The following MORC1 variants were observed in gnomAD, a reference collection of about 807,000 sequenced individuals.
MORC1 encodes MORC family CW-type zinc finger protein 1.
MORC1 carries 59 observed loss-of-function variants against 134.9 expected under a neutral mutation model. That is an observed-to-expected ratio of 0.44 (90% CI 0.35 to 0.54). The LOEUF (loss-of-function observed/expected upper bound fraction) is 0.54. MORC1 is among the 20% of genes least tolerant of loss of function. The pLI, the probability that MORC1 is intolerant of heterozygous loss-of-function variation, is 0.00. For missense variants in MORC1, 947 were observed against 1,134.5 expected, an observed-to-expected ratio of 0.83 and a Z score of 2.37; for synonymous variants, 395 against 391.7, an observed-to-expected ratio of 1.01 and a Z score of -0.10.
chr3:108,959,227 A>G, intron 27 of MORC1, 107 bp from the exon 28 acceptor site: 1 of 877,110 alleles, frequency 1.1e-6, no homozygotes, highest in Non-Finnish European at 1.7e-6. Flanking sequence ...GCTGCAACAA[A>G]AGCCACCTTA....
At chr3:109,102,958 T>C (rs1234266739) in intron 4 of MORC1, among the ~76,000 whole-genome samples, 1 of 152,180 alleles carries the variant, frequency 6.6e-6, no homozygotes, top group East Asian at 1.9e-4. Context: ...AAACAGTCTT[T>C]CTAAACTTGC....
chr3:109,070,225 C>G (rs1353380299), intron 8 of MORC1, among the ~76,000 whole-genome samples: 2 of 151,734 alleles, frequency 1.3e-5, no homozygotes, highest in Non-Finnish European at 2.9e-5. Flanking sequence ...AAATTATGAA[C>G]AAGAAACATA....
chr3:108,986,742 T>C, intron 22 of MORC1, 138 bp downstream of exon 22: 2 of 608,254 alleles, frequency 3.3e-6, no homozygotes, highest in Non-Finnish European at 5.6e-6. Context: ...CTCTCACTTC[T>C]AGAACAACAA....
chr3:109,002,397 A>T (rs549304603), intron 20 of MORC1, among the ~76,000 whole-genome samples: 1 of 152,328 alleles, frequency 6.6e-6, no homozygotes, highest in South Asian at 2.1e-4. Flanking sequence ...GCAATTGGCT[A>T]CATGCACCCT....
At chr3:109,087,598 A>T (rs1233778107) in intron 8 of MORC1, among the ~76,000 whole-genome samples, 1 of 152,150 alleles carries the variant, frequency 6.6e-6, no homozygotes, top group African/African-American at 2.4e-5. Context: ...ATGGAAAAAC[A>T]TCACATGCTC....
At chr3:109,038,418 C>T (rs1949431507) in intron 14 of MORC1, among the ~76,000 whole-genome samples, 1 of 152,010 alleles carries the variant, frequency 6.6e-6, no homozygotes, top group African/African-American at 2.4e-5. Flanking sequence ...GTTTCTTTTG[C>T]TGTGCTGAAG....
chr3:109,009,647 A>C (rs1357767180), intron 17 of MORC1, among the ~76,000 whole-genome samples: 1 of 152,122 alleles, frequency 6.6e-6, no homozygotes, highest in African/African-American at 2.4e-5. Context: ...TTTTTAGAGA[A>C]GTTTGAAGCC....
At chr3:108,980,227 C>T (rs1393684930) in intron 23 of MORC1, among the ~76,000 whole-genome samples, 1 of 152,144 alleles carries the variant, frequency 6.6e-6, no homozygotes, top group Non-Finnish European at 1.5e-5. Flanking sequence ...CCAGAAACTC[C>T]CTAGAGGGCA....
chr3:109,008,910 T>G (rs1398771899), intron 17 of MORC1, among the ~76,000 whole-genome samples: 1 of 152,206 alleles, frequency 6.6e-6, no homozygotes, highest in Non-Finnish European at 1.5e-5. Context: ...CTTGGTCTCC[T>G]ATTACAGTTG....
chr3:109,023,699 G>T (rs1253805866), intron 17 of MORC1, among the ~76,000 whole-genome samples: 3 of 152,130 alleles, frequency 2.0e-5, no homozygotes, highest in Non-Finnish European at 4.4e-5. Context: ...GCAAATTTGA[G>T]AACGGAGAGG....
intron 8 of MORC1, among the ~76,000 whole-genome samples, chr3:109,071,003 A>C (rs969631250): frequency 9.2e-5 from 14 of 152,220 alleles, no homozygotes; most frequent in Non-Finnish European, 1.9e-4. Flanking sequence ...TTTTTAATGT[A>C]ACAAGATAGG....
intron 14 of MORC1, 54 bp downstream of exon 14, chr3:109,054,674 C>A: frequency 7.3e-7 from 1 of 1,366,160 alleles, no homozygotes; most frequent in South Asian, 1.9e-5. Context: ...TTAAAGAAAT[C>A]ACAGAAAGTA....
chr3:109,082,452 T>A (rs1950541114), intron 8 of MORC1, among the ~76,000 whole-genome samples: 1 of 152,082 alleles, frequency 6.6e-6, no homozygotes, highest in South Asian at 2.1e-4. Context: ...AATCAGTGAC[T>A]GACCCTAGTG....
chr3:108,960,852 A>T (rs1361742035), intron 27 of MORC1, among the ~76,000 whole-genome samples: 3 of 152,202 alleles, frequency 2.0e-5, no homozygotes, highest in Non-Finnish European at 4.4e-5. Context: ...TTTTTCTTTA[A>T]TAATGTAAAA....
intron 26 of MORC1, among the ~76,000 whole-genome samples, chr3:108,964,063 C>A (rs781200768): frequency 3.9e-5 from 6 of 152,210 alleles, no homozygotes; most frequent in Non-Finnish European, 7.3e-5. Context: ...ACTTGTAAGG[C>A]AAGGCTGTAG....
chr3:109,024,923 T>C (rs933402636), intron 17 of MORC1, among the ~76,000 whole-genome samples: 3 of 152,124 alleles, frequency 2.0e-5, no homozygotes, highest in Non-Finnish European at 4.4e-5. Context: ...TTCTAAAGGG[T>C]TTTAGAATGA....
At chr3:109,054,975 A>G (rs1172635578) in intron 13 of MORC1, 93 bp from the exon 14 acceptor site, 2 of 1,176,890 alleles carry the variant, frequency 1.7e-6, no homozygotes, top group African/African-American at 1.6e-5. Context: ...TTTTTTTTCA[A>G]AAATAAATTC....
intron 27 of MORC1, among the ~76,000 whole-genome samples, chr3:108,961,927 A>G (rs1199249810): frequency 1.3e-5 from 2 of 152,236 alleles, no homozygotes; most frequent in East Asian, 1.9e-4. Flanking sequence ...TCTAGGATAC[A>G]TAATTTCTTT....
chr3:108,959,095 T>G lies in MORC1; in HGVS notation c.2825A>C (p.Gln942Pro), dbSNP rs1218855503. ...CAAAGCTTCTAAATAAGTGTCAGTC[T>G]GCTCCAGGTCACCTTCTGGACCACC... ...QLGGPEGDLEQTDTYLEALLK... is the reference protein window; with the variant it reads ...QLGGPEGDLEPTDTYLEALLK... The change falls in exon 28 of 28, where the codon CAG becomes CCG. Residue 942 changes from glutamine (Q) to proline (P), a missense_variant. This residue lies in a region of MORC1 where 722 missense variants were observed against 817.0 expected (regional missense o/e 0.88). Transcript: ENST00000232603. The G allele has an allele frequency of 1.3e-6, 2 of 1,581,712 alleles. No homozygotes were observed.
Sources: gnomAD v4.1 joint callset for allele counts (sites outside exome capture counted in the v4.1 genomes callset) on GRCh38, gnomAD v4.1.1 for gene constraint, gnomAD v4.1.1 regional missense constraint, MANE v1.5 for transcripts, NCBI Gene and HGNC (gene_info 2026-07-23, HGNC 2026-07-21) for gene names.